The following NUBPL variants were observed in gnomAD, a reference collection of about 807,000 sequenced individuals.
The protein encoded by NUBPL is NUBP iron-sulfur cluster assembly factor, mitochondrial.
NUBPL carries 31 observed loss-of-function variants against 45.7 expected under a neutral mutation model. That is an observed-to-expected ratio of 0.68 (90% CI 0.51 to 0.92). NUBPL has a LOEUF of 0.92. NUBPL is among the 40% of genes least tolerant of loss of function. The pLI is 0.00. For synonymous variants in NUBPL, 144 were observed against 140.9 expected, an observed-to-expected ratio of 1.02 and a Z score of -0.15; for missense variants, 401 against 398.7, an observed-to-expected ratio of 1.01 and a Z score of -0.05.
intron 4 of NUBPL, among the ~76,000 whole-genome samples, chr14:31,640,823 A>G (rs1005793944): frequency 6.6e-6 from 1 of 152,168 alleles, no homozygotes; most frequent in Non-Finnish European, 1.5e-5. Flanking sequence ...CGATCACCTT[A>G]AATCCATTTC....
intron 6 of NUBPL, among the ~76,000 whole-genome samples, chr14:31,762,595 A>C (rs548319127): frequency 6.6e-6 from 1 of 152,320 alleles, no homozygotes; most frequent in South Asian, 2.1e-4. Context: ...TTGTTACAAA[A>C]ATACAAATTT....
chr14:31,636,057 C>CT (rs1361876202), intron 4 of NUBPL, among the ~76,000 whole-genome samples: 1 of 151,356 alleles, frequency 6.6e-6, no homozygotes, highest in African/African-American at 2.4e-5. Context: ...TTGACTTCCT[C>CT]TTTTCCTAAT....
At chr14:31,785,639 C>T (rs1445489165) in intron 6 of NUBPL, among the ~76,000 whole-genome samples, 1 of 152,094 alleles carries the variant, frequency 6.6e-6, no homozygotes, top group Non-Finnish European at 1.5e-5. Context: ...TTATTACTTC[C>T]TGATTTGTTT....
At chr14:31,813,504 C>T (rs574813322) in intron 7 of NUBPL, among the ~76,000 whole-genome samples, 8 of 150,660 alleles carry the variant, frequency 5.3e-5, no homozygotes, top group African/African-American at 1.5e-4. Flanking sequence ...TACATATATA[C>T]AGATATATAT....
chr14:31,586,964 C>G (rs187999299), intron 3 of NUBPL, among the ~76,000 whole-genome samples: 9 of 152,284 alleles, frequency 5.9e-5, no homozygotes, highest in South Asian at 2.1e-4. Flanking sequence ...GAATCTAACT[C>G]TCAGTGTTTG....
intron 6 of NUBPL, among the ~76,000 whole-genome samples, chr14:31,751,329 C>T (rs917573128): frequency 2.6e-5 from 4 of 152,188 alleles, no homozygotes; most frequent in East Asian, 1.9e-4. Context: ...AAGTCCCTTC[C>T]GCCTATGAGC....
At chr14:31,838,345 A>G (rs896085626) in intron 8 of NUBPL, among the ~76,000 whole-genome samples, 2 of 151,860 alleles carry the variant, frequency 1.3e-5, no homozygotes, top group African/African-American at 4.8e-5. Flanking sequence ...TATTTACAGC[A>G]GCCAAAATCT....
chr14:31,738,338 A>G (rs1371093056), intron 6 of NUBPL, among the ~76,000 whole-genome samples: 3 of 152,180 alleles, frequency 2.0e-5, no homozygotes, highest in Non-Finnish European at 2.9e-5. Context: ...AGAGGCTACA[A>G]CCTTACAGAA....
At chr14:31,773,321 A>C (rs2039042739) in intron 6 of NUBPL, among the ~76,000 whole-genome samples, 1 of 152,228 alleles carries the variant, frequency 6.6e-6, no homozygotes, top group Non-Finnish European at 1.5e-5. Flanking sequence ...CAAAAATTTT[A>C]ATTTTAGTTG....
chr14:31,595,111 C>G (rs1212557000), intron 3 of NUBPL, among the ~76,000 whole-genome samples: 1 of 152,192 alleles, frequency 6.6e-6, no homozygotes, highest in Non-Finnish European at 1.5e-5. Context: ...AAATCCAACA[C>G]ACAAAAATAA....
At chr14:31,776,341 C>A (rs2039097799) in intron 6 of NUBPL, among the ~76,000 whole-genome samples, 1 of 152,144 alleles carries the variant, frequency 6.6e-6, no homozygotes, top group Non-Finnish European at 1.5e-5. Flanking sequence ...GGAACTGTCA[C>A]CAAACCAAAC....
chr14:31,825,621 C>T (rs2040085109), intron 7 of NUBPL, among the ~76,000 whole-genome samples: 1 of 138,114 alleles, frequency 7.2e-6, no homozygotes, highest in Admixed American at 7.3e-5. Flanking sequence ...TCTTCTTCTC[C>T]TCCTCCTCCT....
chr14:31,787,685 TG>T (rs1286547989), intron 6 of NUBPL, 94 bp from the exon 7 acceptor site: 17 of 849,278 alleles, frequency 2.0e-5, no homozygotes, highest in Admixed American at 1.8e-5. Flanking sequence ...GCGATAGCTA[TG>T]ATTTTATATT....
intron 3 of NUBPL, among the ~76,000 whole-genome samples, chr14:31,579,638 C>A (rs1000984231): frequency 6.6e-6 from 1 of 152,188 alleles, no homozygotes; most frequent in African/African-American, 2.4e-5. Context: ...TTAAAAGCAT[C>A]TGTGAGCAAT....
At chr14:31,680,341 G>A (rs1257637870) in intron 6 of NUBPL, among the ~76,000 whole-genome samples, 1 of 152,112 alleles carries the variant, frequency 6.6e-6, no homozygotes, top group Non-Finnish European at 1.5e-5. Context: ...GTATTTTGTT[G>A]CTATGAAAGA....
At chr14:31,834,463 G>A (rs1211592406) in intron 8 of NUBPL, among the ~76,000 whole-genome samples, 1 of 152,162 alleles carries the variant, frequency 6.6e-6, no homozygotes, top group Non-Finnish European at 1.5e-5. Context: ...ACAGGCGTGA[G>A]CCACTGCGCC....
intron 3 of NUBPL, among the ~76,000 whole-genome samples, chr14:31,565,275 T>G (rs552918054): frequency 5.0e-4 from 76 of 152,308 alleles, no homozygotes; most frequent in African/African-American, 1.7e-3. Flanking sequence ...ACAAGAGGCT[T>G]TGATGTTCTT....
intron 4 of NUBPL, among the ~76,000 whole-genome samples, chr14:31,639,668 C>T (rs1046807266): frequency 1.3e-5 from 2 of 152,216 alleles, no homozygotes; most frequent in Non-Finnish European, 1.5e-5. Context: ...TTTTGTTTGT[C>T]TGTGCCCTAC....
intron 4 of NUBPL, among the ~76,000 whole-genome samples, chr14:31,618,350 C>T (rs542231250): frequency 1.6e-4 from 25 of 152,220 alleles, no homozygotes; most frequent in African/African-American, 5.3e-4. Context: ...TTCTCTAGTT[C>T]TTTTAATTGT....
Sources: allele counts gnomAD v4.1 joint callset (sites outside exome capture counted in the v4.1 genomes callset), GRCh38; gene constraint gnomAD v4.1.1; transcripts MANE v1.5; gene names NCBI Gene and HGNC (gene_info 2026-07-23, HGNC 2026-07-21).